The following BRME1 variants were observed in gnomAD, a reference collection of about 807,000 sequenced individuals.
BRME1 encodes the protein break repair meiotic recombinase recruitment factor 1.
Under a neutral mutation model 52.6 loss-of-function variants are expected in BRME1, and 31 were observed. The observed-to-expected ratio is 0.59, with a 90% confidence interval of 0.44 to 0.80. BRME1 has a LOEUF of 0.80. BRME1 is among the 30% of genes least tolerant of loss of function. The pLI is 0.00. For synonymous variants in BRME1, 359 were observed against 353.6 expected (o/e 1.02, Z -0.17); for missense variants, 804 against 860.3 (o/e 0.93, Z 0.82).
rs567787641 is a variant in BRME1, at chr19:13,890,162, C to T, written c.694G>A (p.Gly232Ser). Residue 232 changes from glycine (G) to serine (S), a missense_variant, in exon 6 of 9, where the codon GGC (glycine) becomes AGC (serine). Physicochemically the swap from Gly to Ser is moderately conservative, Grantham distance 56. Coordinates refer to ENST00000586783, the MANE Select transcript of BRME1 (RefSeq NM_001345843.2). ...PETDRVPGDGGQKEHLPSIDS... is the reference protein window; with the variant it reads ...PETDRVPGDGSQKEHLPSIDS... ...ATGCTTGGTAGGTGTTCCTTTTGGC[C>T]ACCGTCACCTGGAACCCTGTCTGTC... 5.0e-6 allele frequency: 8 copies of T among 1,614,190 alleles called. No homozygotes were observed. Among genetic ancestry groups the T allele is most frequent in the East Asian group, 4.5e-5 (2 of 44,880 alleles).
chr19:13,904,350 G>A (rs751875287), intron 2 of BRME1, among the ~76,000 whole-genome samples: 14 of 151,954 alleles, frequency 9.2e-5, no homozygotes, highest in East Asian at 1.9e-4. Flanking sequence ...CAAGCGATCC[G>A]CCCACCTCGG....
At chr19:13,893,716 A>G (rs1297280741) in intron 3 of BRME1, among the ~76,000 whole-genome samples, 1 of 152,036 alleles carries the variant, frequency 6.6e-6, no homozygotes, top group Non-Finnish European at 1.5e-5. Flanking sequence ...CAGGAGTTTG[A>G]GACCAGCCTG....
At chr19:13,898,596 C>G (rs942668535) in intron 2 of BRME1, among the ~76,000 whole-genome samples, 4 of 151,874 alleles carry the variant, frequency 2.6e-5, no homozygotes, top group Admixed American at 1.3e-4. Flanking sequence ...AGCAACAGAG[C>G]TAGATCCTAT....
chr19:13,893,278 C>T, intron 3 of BRME1, 55 bp from the exon 4 acceptor site: 1 of 1,465,616 alleles, frequency 6.8e-7, no homozygotes, highest in Non-Finnish European at 9.3e-7. Flanking sequence ...GTGGCTCACA[C>T]CTGTAATTGC....
chr19:13,891,135 T>TTTATTATTATTATTATTA lies in BRME1; in HGVS notation c.394-691_394-674dup, dbSNP rs148642817. ...AGACCACACCAATGTCAATTTCCTG[T>TTTATTATTATTATTATTA]TTATTATTATTATTATTATTATTAT... On this transcript the variant is annotated intron_variant, in intron 5 of 8. Coordinates refer to ENST00000586783, the MANE Select transcript of BRME1 (RefSeq NM_001345843.2). 3.8e-3 allele frequency among the ~76,000 whole-genome samples: 558 copies of TTTATTATTATTATTATTA among 146,652 alleles called. 5 individuals are homozygous for TTTATTATTATTATTATTA. Among genetic ancestry groups the TTTATTATTATTATTATTA allele is most frequent in the African/African-American group, 0.013 (523 of 38,812 alleles).
intron 5 of BRME1, among the ~76,000 whole-genome samples, chr19:13,890,833 C>CA (rs1191301648): frequency 6.6e-6 from 1 of 152,100 alleles, no homozygotes; most frequent in Non-Finnish European, 1.5e-5. Flanking sequence ...GACTGCACTC[C>CA]AGCCTGGACG....
Position 13,888,487 on chromosome 19 carries a change from T to TAGGG in BRME1, c.1668+697_1668+700dup, listed in dbSNP as rs1382889888. The TAGGG allele has an allele frequency of 1.3e-5, 2 of 152,128 alleles. No homozygotes were observed. Among genetic ancestry groups the TAGGG allele is most frequent in the African/African-American group, 4.8e-5 (2 of 41,410 alleles). The allele number at this position is 152,128 out of a possible 1,614,324, so 9.4% of individuals were successfully genotyped here. A position where few individuals can be genotyped will look rare whatever the true frequency, so the allele number is the denominator to read the frequency against. On this transcript the variant is annotated intron_variant, in intron 6 of 8. Coordinates refer to ENST00000586783, the MANE Select transcript of BRME1 (RefSeq NM_001345843.2). This position sits in a 1 kb window ranked among gnomAD's most constrained non-coding sequence, Gnocchi z 4.1. ...GCCCAGGCTCAGGTGTGCCAACGGC[T>TAGGG]AGGGAGGTCGCTCTTTCCCTGGGGG...
chr19:13,884,492 G>T (rs560025946), intron 7 of BRME1, among the ~76,000 whole-genome samples: 1 of 152,186 alleles, frequency 6.6e-6, no homozygotes, highest in African/African-American at 2.4e-5. Context: ...GCCGGGTGTG[G>T]TGGCGGGTAC....
chr19:13,894,575 A>AACAAAACG (rs1969748112), intron 3 of BRME1, among the ~76,000 whole-genome samples: 1 of 152,056 alleles, frequency 6.6e-6, no homozygotes, highest in Admixed American at 6.6e-5. Context: ...GTTTTGGCTA[A>AACAAAACG]TTATTTTATT....
At position 13,889,234 on chromosome 19, in the gene BRME1, A is replaced by G. The variant is rs1969266362; in HGVS notation, c.1622T>C (p.Ile541Thr). ...GTCAGAGGCGTCCAGGGCATCCTGT[A>G]TCTGGCTGTCCAGCAGGAAGTCGAG... ...VELDFLLDSQIQDALDASDFE... is the reference protein window; with the variant it reads ...VELDFLLDSQTQDALDASDFE... The change falls in exon 6 of 9, where the codon ATA becomes ACA. Residue 541 changes from isoleucine (I) to threonine (T), a missense_variant. By Grantham distance (89) the Ile-to-Thr change is moderately conservative. Coordinates refer to ENST00000586783, the MANE Select transcript of BRME1 (RefSeq NM_001345843.2). 1 of 1,612,508 alleles carries G rather than the reference A, an allele frequency of 6.2e-7. No individual in the cohort carries two copies. The highest frequency in any genetic ancestry group is 1.1e-5 in the South Asian group (1 of 90,958).
intron 6 of BRME1, among the ~76,000 whole-genome samples, chr19:13,887,337 G>A (rs56025350): frequency 0.34 from 51,906 of 152,162 alleles, 12,004 homozygotes; most frequent in African/African-American, 0.66. Context: ...TCGTGTCAAA[G>A]CCAAACACGC....
rs1486007894 is a variant in BRME1 at position 13,890,322 on chromosome 19, G to A, written c.534C>T (p.Ser178=). 1 of 1,602,032 alleles carries A rather than the reference G, an allele frequency of 6.2e-7. No individual in the cohort carries two copies. Among genetic ancestry groups the A allele is most frequent in the Non-Finnish European group, 8.5e-7 (1 of 1,174,372 alleles). The change falls in exon 6 of 9, where the codon AGC becomes AGT. Residue 178 remains serine (S), a synonymous_variant. Transcript: ENST00000586783. ...DSARPEQSSQ[S]PVQAVPGSGD... is the part of the protein sequence containing the mutation. The stretch of plus-strand genomic sequence containing the variant: ...CACTGCCGGGCACCGCCTGCACAGG[G>A]CTCTGGCTGCTCTGCTCAGGGCGGG...
chr19:13,896,387 T>G (rs1488168406), intron 2 of BRME1, among the ~76,000 whole-genome samples: 1 of 147,296 alleles, frequency 6.8e-6, no homozygotes, highest in Non-Finnish European at 1.5e-5. Context: ...ATATTTATAA[T>G]TATAAAATAT....
rs558652351 is a variant in BRME1, at chr19:13,899,473, T to A, written c.32-3927A>T. ...GTAAGTTGCTTGTAATTCTGTCAGT[T>A]ACAGTTCGGGAGTGCCCGTTTAGAA... On this transcript the variant is annotated intron_variant, in intron 2 of 8. Coordinates refer to ENST00000586783, the MANE Select transcript of BRME1 (RefSeq NM_001345843.2). Among the ~76,000 whole-genome samples the A allele has an allele frequency of 6.0e-4, 92 of 152,230 alleles. 1 individual carries two copies. Among genetic ancestry groups the A allele is most frequent in the African/African-American group, 2.0e-3 (85 of 41,548 alleles).
intron 2 of BRME1, among the ~76,000 whole-genome samples, chr19:13,900,665 G>A (rs1970234913): frequency 6.6e-6 from 1 of 151,958 alleles, no homozygotes; most frequent in Non-Finnish European, 1.5e-5. Context: ...CATCATATTG[G>A]GAGTTTGTCT....
chr19:13,882,975 C>A (rs566278647), intron 8 of BRME1, 23 bp from the exon 9 acceptor site: 1 of 1,606,530 alleles, frequency 6.2e-7, no homozygotes. Context: ...CACAGGCATG[C>A]GTGTGGGGCT....
intron 2 of BRME1, among the ~76,000 whole-genome samples, chr19:13,899,574 A>G (rs1475321681): frequency 6.6e-6 from 1 of 152,124 alleles, no homozygotes; most frequent in Admixed American, 6.6e-5. Flanking sequence ...CTACAGCTGG[A>G]GGATCTCCAG....
chr19:13,903,544 A>C (rs1970437756), intron 2 of BRME1, among the ~76,000 whole-genome samples: 1 of 151,874 alleles, frequency 6.6e-6, no homozygotes, highest in Non-Finnish European at 1.5e-5. Context: ...GTGGTGGTGC[A>C]CATCTGTAGT....
intron 2 of BRME1, among the ~76,000 whole-genome samples, chr19:13,899,773 G>C (rs139580542): frequency 6.6e-6 from 1 of 152,246 alleles, no homozygotes; most frequent in African/African-American, 2.4e-5. Flanking sequence ...GGGTGAGGTG[G>C]GCAGATTGCT....
Sources: allele counts gnomAD v4.1 joint callset (sites outside exome capture counted in the v4.1 genomes callset), GRCh38; gene constraint gnomAD v4.1.1; non-coding constraint Gnocchi (gnomAD v3.1); transcripts MANE v1.5; gene names NCBI Gene and HGNC (gene_info 2026-07-23, HGNC 2026-07-21).